Variants in DOCK1 observed in about 807,000 individuals in gnomAD.
DOCK1 encodes dedicator of cytokinesis protein 1.
In DOCK1, 138 loss-of-function variants were observed where a neutral mutation model predicts 262.7. The observed-to-expected ratio is 0.53, with a 90% CI of 0.46 to 0.61. The LOEUF is 0.61. DOCK1 is among the 20% of genes least tolerant of loss of function. The pLI is 0.00. For missense variants in DOCK1, 1,908 were observed against 2,370.7 expected, an observed-to-expected ratio of 0.80 and a Z score of 4.05; for synonymous variants, 866 against 867.4, an observed-to-expected ratio of 1.00 and a Z score of 0.03.
chr10:127,276,348 T>A (rs558141330), intron 29 of DOCK1, among the ~76,000 whole-genome samples: 96 of 152,226 alleles, frequency 6.3e-4, no homozygotes, highest in African/African-American at 2.2e-3. Flanking sequence ...TTGACTTGGC[T>A]TAGGGATATT....
intron 33 of DOCK1, among the ~76,000 whole-genome samples, chr10:127,364,302 G>C (rs565909376): frequency 1.7e-3 from 256 of 152,352 alleles, no homozygotes; most frequent in Non-Finnish European, 3.0e-3. Flanking sequence ...TTGCAGAGGA[G>C]CCTAACACCT....
chr10:127,282,219 T>TTC lies in DOCK1; in HGVS notation c.3044+24806_3044+24807dup, dbSNP rs547977341. ...GCACTCTTGTGTTCTCTCTCTCTCT[T>TTC]TCTCTCTCTCTCTCTCTGTCTGTCT... On this transcript the variant is annotated intron_variant, in intron 29 of 51. Transcript: ENST00000623213. Among the ~76,000 whole-genome samples the TTC allele has an allele frequency of 3.4e-3, 503 of 149,194 alleles. 7 individuals are homozygous for TTC. Among genetic ancestry groups the TTC allele is most frequent in the African/African-American group, 0.011 (448 of 40,728 alleles).
chr10:126,944,410 A>G (rs1270405281), intron 1 of DOCK1, among the ~76,000 whole-genome samples: 2 of 151,896 alleles, frequency 1.3e-5, no homozygotes, highest in Admixed American at 6.6e-5. Context: ...TTGCAAGCGG[A>G]CCTGCCGAGG....
intron 29 of DOCK1, among the ~76,000 whole-genome samples, chr10:127,284,454 T>C (rs1368863865): frequency 6.6e-6 from 1 of 152,218 alleles, no homozygotes; most frequent in African/African-American, 2.4e-5. Context: ...ATTAAATGCA[T>C]GTAAGTTGAT....
intron 40 of DOCK1, among the ~76,000 whole-genome samples, chr10:127,408,203 C>CG (rs2067633288): frequency 1.3e-5 from 2 of 152,174 alleles, no homozygotes; most frequent in African/African-American, 4.8e-5. Context: ...CTCCCCGCCC[C>CG]GGACTGCCTA....
chr10:127,265,715 GA>G (rs2135115425), intron 29 of DOCK1, among the ~76,000 whole-genome samples: 1 of 152,288 alleles, frequency 6.6e-6, no homozygotes, highest in South Asian at 2.1e-4. Context: ...TTTTTAAATA[GA>G]ATGCATTTCC....
At chr10:126,925,174 AT>A (rs1393706855) in intron 1 of DOCK1, among the ~76,000 whole-genome samples, 1 of 152,186 alleles carries the variant, frequency 6.6e-6, no homozygotes, top group Non-Finnish European at 1.5e-5. Context: ...TTTTATTAGT[AT>A]TTCCTGTTTC....
At chr10:127,218,134 C>T (rs904737479) in intron 27 of DOCK1, among the ~76,000 whole-genome samples, 56 of 152,144 alleles carry the variant, frequency 3.7e-4, no homozygotes, top group African/African-American at 1.2e-3. Flanking sequence ...TAATTAATCT[C>T]ATTAATCTAA....
chr10:127,063,301 T>C (rs2045655549), intron 23 of DOCK1, among the ~76,000 whole-genome samples: 1 of 152,138 alleles, frequency 6.6e-6, no homozygotes, highest in South Asian at 2.1e-4. Flanking sequence ...CCTTAAAGCT[T>C]TGCCATATGC....
intron 27 of DOCK1, among the ~76,000 whole-genome samples, chr10:127,228,300 T>C (rs1477206584): frequency 1.3e-5 from 2 of 152,162 alleles, no homozygotes; most frequent in Non-Finnish European, 2.9e-5. Context: ...ATGAATGTGC[T>C]CTTGCTAAAT....
At chr10:127,451,302 T>C (rs1032254550) in intron 51 of DOCK1, 30 bp from the exon 52 acceptor site, 40 of 1,567,040 alleles carry the variant, frequency 2.6e-5, no homozygotes, top group Non-Finnish European at 3.5e-5. Flanking sequence ...ATCAGTTATG[T>C]GACATCTTCC....
At chr10:126,932,835 A>G (rs911346292) in intron 1 of DOCK1, among the ~76,000 whole-genome samples, 2 of 152,038 alleles carry the variant, frequency 1.3e-5, no homozygotes, top group African/African-American at 4.8e-5. Flanking sequence ...ACTTGGGGGA[A>G]CTTTCCCTCA....
At chr10:127,275,856 A>C (rs944933847) in intron 29 of DOCK1, among the ~76,000 whole-genome samples, 1 of 152,168 alleles carries the variant, frequency 6.6e-6, no homozygotes, top group Non-Finnish European at 1.5e-5. Flanking sequence ...GGGTGCAGAG[A>C]ATAGTCAAAT....
At chr10:127,016,738 C>CAT (rs2041925159) in intron 12 of DOCK1, among the ~76,000 whole-genome samples, 1 of 142,780 alleles carries the variant, frequency 7.0e-6, no homozygotes, top group African/African-American at 2.6e-5. Flanking sequence ...ACACACCACA[C>CAT]ACACACACAC....
chr10:127,028,268 C>G (rs2043013816), intron 16 of DOCK1, among the ~76,000 whole-genome samples: 1 of 152,182 alleles, frequency 6.6e-6, no homozygotes, highest in Admixed American at 6.5e-5. Flanking sequence ...TCCAGGCTAC[C>G]AGACCCCAGA....
chr10:127,308,218 A>G (rs1308295602), intron 29 of DOCK1, among the ~76,000 whole-genome samples: 1 of 152,190 alleles, frequency 6.6e-6, no homozygotes, highest in Non-Finnish European at 1.5e-5. Context: ...GAGTGTCTTC[A>G]TGCCAGGTGG....
rs2048193272 is a variant in DOCK1 at position 127,100,787 on chromosome 10, A to G, written c.2446-5444A>G. Among the ~76,000 whole-genome samples the G allele has an allele frequency of 6.6e-6, 1 of 152,068 alleles. No homozygotes were observed. Among genetic ancestry groups the G allele is most frequent in the Admixed American group, 6.5e-5 (1 of 15,270 alleles). On this transcript the variant is annotated intron_variant, in intron 23 of 51. Coordinates refer to ENST00000623213, the MANE Select transcript of DOCK1 (RefSeq NM_001290223.2). The surrounding 1 kb of genome is among the most constrained non-coding windows in gnomAD (Gnocchi z 5.5). Reference sequence around the variant, plus strand: ...GAAAGGCCACTTGAGAACAGCCTGAAGTCATCGTGGCCTTGGCAGGAACAG... The same window carrying G: ...GAAAGGCCACTTGAGAACAGCCTGAGGTCATCGTGGCCTTGGCAGGAACAG...
intron 23 of DOCK1, among the ~76,000 whole-genome samples, chr10:127,065,372 C>T (rs1353081503): frequency 2.0e-5 from 3 of 152,156 alleles, no homozygotes; most frequent in Non-Finnish European, 2.9e-5. Context: ...TGGCATGTGT[C>T]AGAATCTTCT....
At chr10:126,941,568 A>T (rs940735032) in intron 1 of DOCK1, among the ~76,000 whole-genome samples, 9 of 152,130 alleles carry the variant, frequency 5.9e-5, no homozygotes, top group Non-Finnish European at 4.4e-5. Context: ...CATCCTGGCT[A>T]ACACGGTGAA....
Sources: allele counts gnomAD v4.1 joint callset (sites outside exome capture counted in the v4.1 genomes callset), GRCh38; gene constraint gnomAD v4.1.1; non-coding constraint Gnocchi (gnomAD v3.1); transcripts MANE v1.5; gene names NCBI Gene and HGNC (gene_info 2026-07-23, HGNC 2026-07-21).